Variants in RIPK3 observed in about 807,000 individuals in gnomAD.
The protein encoded by RIPK3 is receptor interacting serine/threonine kinase 3, also known as receptor-interacting serine/threonine-protein kinase 3.
A neutral mutation model predicts 51.6 loss-of-function variants in RIPK3; 51 were observed. That is an observed-to-expected ratio of 0.99 (90% confidence interval 0.79 to 1.25). The LOEUF (loss-of-function observed/expected upper bound fraction) is 1.25, where lower values mean the gene tolerates loss of function less well. Among genes scored for constraint, RIPK3 ranks in the 50% most tolerant of loss-of-function variants. RIPK3 has a pLI of 0.00. For missense variants in RIPK3, 654 were observed against 650.4 expected, an observed-to-expected ratio of 1.01 and a Z score of -0.06; for synonymous variants, 246 against 257.7, an observed-to-expected ratio of 0.95 and a Z score of 0.44.
Position 24,336,265 on chromosome 14 carries a change from C to T in RIPK3, c.1467G>A (p.Gln489=). 1 of 1,614,066 alleles carries T rather than the reference C, an allele frequency of 6.2e-7. No homozygotes were observed. The change falls in exon 10 of 10, where the codon CAG becomes CAA. Residue 489 remains glutamine, a synonymous_variant. Transcript: ENST00000216274. ...CTTGCGAACCTACTGGTGGGGGGTG[C>T]TGCAAGCCCCTCCCCTTGCCCGAAG... ...LAPSGKGRGL[Q]HPPPVGSQEG...
In RIPK3 at chr14:24,336,338, T is replaced by A. The variant is rs983300532; in HGVS notation, c.1394A>T (p.Tyr465Phe). The A allele has an allele frequency of 2.5e-6, 4 of 1,613,888 alleles. No homozygotes were observed. The South Asian group carries it at 3.3e-5, about 13-fold the overall frequency. ...GGCAGTTGTCTGTTGCATAGTCAAGTAGTTGTTGTCTCCAACTTGCACCCC... is the reference window on the plus strand; with the variant it reads ...GGCAGTTGTCTGTTGCATAGTCAAGAAGTTGTTGTCTCCAACTTGCACCCC... Reference protein sequence around the residue: ...CSGVQVGDNNYLTMQQTTALP... With the variant: ...CSGVQVGDNNFLTMQQTTALP... Residue 465 changes from tyrosine to phenylalanine, a missense_variant, in exon 10 of 10, where the codon TAC becomes TTC. Coordinates refer to ENST00000216274, the MANE Select transcript of RIPK3 (RefSeq NM_006871.4).
chr14:24,336,738 G>A (rs762654833), intron 9 of RIPK3, 147 bp downstream of exon 9: 23 of 844,350 alleles, frequency 2.7e-5, no homozygotes, highest in East Asian at 1.3e-4. Context: ...AGGGGGTGTC[G>A]GTTTTCCCAT....
Position 24,339,914 on chromosome 14 carries a change from G to A in RIPK3, c.-88C>T. On this transcript the variant is annotated 5_prime_UTR_variant, in exon 1 of 10. Coordinates refer to ENST00000216274, the MANE Select transcript of RIPK3 (RefSeq NM_006871.4). This position sits in a 1 kb window ranked among gnomAD's most constrained non-coding sequence, Gnocchi z 4.0. ...GGGGCTTGGTCCTTTCGCAGAGAGGGGAAGGGGTCTGTCTGTGCAGGGGTC... is the reference window on the plus strand; with the variant it reads ...GGGGCTTGGTCCTTTCGCAGAGAGGAGAAGGGGTCTGTCTGTGCAGGGGTC... 7.2e-7 allele frequency: 1 copy of A among 1,394,660 alleles called. No individual in the cohort carries two copies. Among genetic ancestry groups the A allele is most frequent in the South Asian group, 1.4e-5 (1 of 72,800 alleles). The allele number at this position is 1,394,660 out of a possible 1,614,324, so 86.4% of individuals were successfully genotyped here.
rs982444172 is a variant in RIPK3, at chr14:24,338,364, T to C, written c.617+58A>G. The C allele has an allele frequency of 3.2e-6, 5 of 1,568,138 alleles. No individual in the cohort carries two copies. In the African/African-American group the frequency reaches 6.8e-5, roughly 21 times the overall value. On this transcript the variant is annotated intron_variant, in intron 4 of 9. Coordinates refer to ENST00000216274, the MANE Select transcript of RIPK3 (RefSeq NM_006871.4). ...GACTCCTTTCCTATACATCATCCCCTGGGAGGGCCCAGAGAAGTGTAGGAA... is the reference window on the plus strand; with the variant it reads ...GACTCCTTTCCTATACATCATCCCCCGGGAGGGCCCAGAGAAGTGTAGGAA...
chr14:24,337,051 T>C, intron 8 of RIPK3, 35 bp downstream of exon 8: 1 of 1,610,480 alleles, frequency 6.2e-7, no homozygotes, highest in Non-Finnish European at 8.5e-7. Flanking sequence ...TTTATAGGAC[T>C]CTTAGTGCAT....
chr14:24,339,947 A>C lies in RIPK3; in HGVS notation c.-121T>G, dbSNP rs2042173715. 1 of 1,047,866 alleles carries C rather than the reference A, an allele frequency of 9.5e-7. No homozygotes were observed. The highest frequency in any genetic ancestry group is 1.6e-5 in the African/African-American group (1 of 61,622). The allele number at this position is 1,047,866 out of a possible 1,614,324, so 64.9% of individuals were successfully genotyped here. A position where few individuals can be genotyped will look rare whatever the true frequency, so the allele number is the denominator to read the frequency against. The stretch of plus-strand genomic sequence containing the variant: ...TCTGTCTGTGCAGGGGTCAGTCTCT[A>C]GACCAAGACGGTGAGTCTACTTTCC... On this transcript the variant is annotated 5_prime_UTR_variant, in exon 1 of 10. Transcript: ENST00000216274. This position sits in a 1 kb window ranked among gnomAD's most constrained non-coding sequence, Gnocchi z 4.0.
Position 24,339,006 on chromosome 14 carries a change from C to G in RIPK3, c.471+9G>C. 1 of 1,607,884 alleles carries G rather than the reference C, an allele frequency of 6.2e-7. No homozygotes were observed. Among genetic ancestry groups the G allele is most frequent in the Non-Finnish European group, 8.5e-7 (1 of 1,174,282 alleles). The stretch of plus-strand genomic sequence containing the variant: ...GTCTTGAGGCTGAGAGGGGTGTAGA[C>G]CAGCTGACCTTGACGTGCAGCTCTG... On this transcript the variant is annotated intron_variant, in intron 3 of 9. Transcript: ENST00000216274. The surrounding 1 kb of genome is among the most constrained non-coding windows in gnomAD (Gnocchi z 4.0).
At chr14:24,338,210 C>T (rs374127120) in intron 5 of RIPK3, 39 bp downstream of exon 5, 1 of 1,534,130 alleles carries the variant, frequency 6.5e-7, no homozygotes, top group Non-Finnish European at 8.8e-7. Context: ...GAGAAGGGCA[C>T]CTGGGGTTAA....
At chr14:24,338,930 C>A (rs747171900) in intron 3 of RIPK3, 85 bp downstream of exon 3, 2 of 1,088,926 alleles carry the variant, frequency 1.8e-6, no homozygotes, top group Non-Finnish European at 2.8e-6. Flanking sequence ...ATAGACAGGG[C>A]TCTGGAGGTC....
chr14:24,338,796 C>A (rs2042160534), intron 3 of RIPK3: 2 of 694,902 alleles, frequency 2.9e-6, no homozygotes, highest in Admixed American at 5.9e-5. Context: ...GCTGGTGGGG[C>A]AGCTGGTGGA....
Position 24,338,286 on chromosome 14 carries a change from G to T in RIPK3, c.627C>A (p.Ile209=). The T allele has an allele frequency of 6.6e-7, 1 of 1,524,562 alleles. No individual in the cohort carries two copies. The highest frequency in any genetic ancestry group is 1.3e-5 in the South Asian group (1 of 76,386). The allele number at this position is 1,524,562 out of a possible 1,614,324, so 94.4% of individuals were successfully genotyped here. A position where few individuals can be genotyped will look rare whatever the true frequency, so the allele number is the denominator to read the frequency against. Residue 209 remains isoleucine (I), a synonymous_variant, in exon 5 of 10, where the codon ATC becomes ATA. Coordinates refer to ENST00000216274, the MANE Select transcript of RIPK3 (RefSeq NM_006871.4). ...STASDVYSFG[I]LMWAVLAGRE... ...TTCCAGCAAGCACTGCCCACATTAG[G>T]ATCCCGAAGCTGCAGGAGACACAAA...
chr14:24,337,949 A>G lies in RIPK3; in HGVS notation c.756T>C (p.Thr252=), dbSNP rs1440227960. Residue 252 remains threonine (T), a synonymous_variant, in exon 6 of 10, where the codon ACT becomes ACC. Coordinates refer to ENST00000216274, the MANE Select transcript of RIPK3 (RefSeq NM_006871.4). The stretch of plus-strand genomic sequence containing the variant: ...GCTCCTTCAGTCCTTCTAAGCCGGG[A>G]GTCTCAGGCCCGGCTTGGGGCAGCT... ...LAELPQAGPE[T]PGLEGLKELM... 3 of 1,614,046 alleles carry G rather than the reference A, an allele frequency of 1.9e-6. No individual in the cohort carries two copies. The African/African-American group carries it at 4.0e-5, about 22-fold the overall frequency.
intron 9 of RIPK3, 61 bp downstream of exon 9, chr14:24,336,824 C>A: frequency 7.2e-7 from 1 of 1,397,390 alleles, no homozygotes; most frequent in Non-Finnish European, 1.0e-6. Context: ...AGATATAGGT[C>A]TGGAGGAGGA....
Position 24,336,143 on chromosome 14 carries a change from C to CTTGGAGTTAA in RIPK3, c.*31_*32insTTAACTCCAA. 1 of 1,598,368 alleles carries CTTGGAGTTAA rather than the reference C, an allele frequency of 6.3e-7. No homozygotes were observed. Among genetic ancestry groups the CTTGGAGTTAA allele is most frequent in the Non-Finnish European group, 8.5e-7 (1 of 1,170,888 alleles). On this transcript the variant is annotated 3_prime_UTR_variant, in exon 10 of 10. Coordinates refer to ENST00000216274, the MANE Select transcript of RIPK3 (RefSeq NM_006871.4). ...CAAGGGGTGGCACTCTTCCTTAACT[C>CTTGGAGTTAA]GTAACTCTTGGAGGCAAGCTTGGAA...
Position 24,339,604 on chromosome 14 carries a change from G to C in RIPK3, c.21-7C>G. The C allele has an allele frequency of 1.2e-6, 2 of 1,613,956 alleles. No homozygotes were observed. Among genetic ancestry groups the C allele is most frequent in the Non-Finnish European group, 1.7e-6 (2 of 1,179,960 alleles). The stretch of plus-strand genomic sequence containing the variant: ...GGCGGGGGCACCGCTGGGCCTGAGA[G>C]AGGGGTGTCGCCCACTAGCCGGCCG... On this transcript the variant is annotated splice_polypyrimidine_tract_variant and splice_region_variant and intron_variant, in intron 1 of 9. Coordinates refer to ENST00000216274, the MANE Select transcript of RIPK3 (RefSeq NM_006871.4). This position sits in a 1 kb window ranked among gnomAD's most constrained non-coding sequence, Gnocchi z 4.0.
Position 24,339,712 on chromosome 14 carries a change from C to A in RIPK3, c.20+95G>T, listed in dbSNP as rs889490072. On this transcript the variant is annotated intron_variant, in intron 1 of 9. Transcript: ENST00000216274. The surrounding 1 kb of genome is among the most constrained non-coding windows in gnomAD (Gnocchi z 4.0). ...CCCAGCCTCCCTCGCCGGCCCCCACCGTCCCCGGACTCAAAGACGTTCTCT... is the reference window on the plus strand; with the variant it reads ...CCCAGCCTCCCTCGCCGGCCCCCACAGTCCCCGGACTCAAAGACGTTCTCT... 3 of 1,575,950 alleles carry A rather than the reference C, an allele frequency of 1.9e-6. No individual in the cohort carries two copies. In the Admixed American group the frequency reaches 5.3e-5, roughly 28 times the overall value.
chr14:24,336,286 C>T lies in RIPK3; in HGVS notation c.1446G>A (p.Ser482=), dbSNP rs2295299. ...TALPTWGLAP[S]GKGRGLQHPP... is the part of the protein sequence containing the mutation. Reference sequence around the variant, plus strand: ...GGTGCTGCAAGCCCCTCCCCTTGCCCGAAGGTGCCAAGCCCCATGTGGGCA... The same window carrying T: ...GGTGCTGCAAGCCCCTCCCCTTGCCTGAAGGTGCCAAGCCCCATGTGGGCA... The change falls in exon 10 of 10, where the codon TCG becomes TCA. Residue 482 remains serine, a synonymous_variant. Transcript: ENST00000216274. 4.3e-4 allele frequency: 697 copies of T among 1,614,014 alleles called. 6 individuals carry two copies. The East Asian group carries it at 0.015, about 34-fold the overall frequency.
chr14:24,337,480 T>A lies in RIPK3; in HGVS notation c.901-20A>T, dbSNP rs1209527471. On this transcript the variant is annotated intron_variant, in intron 7 of 9. Coordinates refer to ENST00000216274, the MANE Select transcript of RIPK3 (RefSeq NM_006871.4). ...CTTTACCTGCAGGGATGGGAGGAGT[T>A]TGCTGGGTATGACTTGGATGAGCCA... 9 of 1,611,014 alleles carry A rather than the reference T, an allele frequency of 5.6e-6. No individual in the cohort carries two copies. The highest frequency in any genetic ancestry group is 6.8e-6 in the Non-Finnish European group (8 of 1,177,998).
chr14:24,337,675 G>T lies in RIPK3; in HGVS notation c.900+20C>A. 1 of 1,583,412 alleles carries T rather than the reference G, an allele frequency of 6.3e-7. No homozygotes were observed. On this transcript the variant is annotated intron_variant, in intron 7 of 9. Coordinates refer to ENST00000216274, the MANE Select transcript of RIPK3 (RefSeq NM_006871.4). ...GCCATCCCTGACCAGCTCCTGGGGAGGGGTGATGTTGGCACTCACCGTGGA... is the reference window on the plus strand; with the variant it reads ...GCCATCCCTGACCAGCTCCTGGGGATGGGTGATGTTGGCACTCACCGTGGA...
Sources: gnomAD v4.1 joint callset for allele counts on GRCh38, gnomAD v4.1.1 for gene constraint, Gnocchi (gnomAD v3.1) non-coding constraint, MANE v1.5 for transcripts, NCBI Gene and HGNC (gene_info 2026-07-23, HGNC 2026-07-21) for gene names.